PCNT: variants seen among roughly 807,000 people sequenced by gnomAD.
PCNT encodes the protein pericentrin.
PCNT carries 319 observed loss-of-function variants against 380.4 expected under a neutral mutation model. The observed-to-expected ratio is 0.84, with a 90% CI of 0.77 to 0.92. The LOEUF (loss-of-function observed/expected upper bound fraction) is 0.92. Among genes scored for constraint, PCNT ranks in the 40% least tolerant of loss-of-function variants. The pLI is 0.00. For missense variants in PCNT, 4,400 were observed against 4,255.3 expected, an observed-to-expected ratio of 1.03 and a Z score of -0.95; for synonymous variants, 1,845 against 1,735.2, an observed-to-expected ratio of 1.06 and a Z score of -1.57.
In PCNT at chr21:46,371,454, A is replaced by T. The variant is rs535518591; in HGVS notation, c.3165+4315A>T. The stretch of plus-strand genomic sequence containing the variant: ...CCTCCCGCCTTGGCCTCCCCAAAGC[A>T]CTGGGATTACAGGTGTGAGCCTCTG... On this transcript the variant is annotated intron_variant, in intron 15 of 46. Coordinates refer to ENST00000359568, the MANE Select transcript of PCNT (RefSeq NM_006031.6). Among the ~76,000 whole-genome samples, 4 of 152,214 alleles carry T rather than the reference A, an allele frequency of 2.6e-5. No homozygotes were observed. In the East Asian group the frequency reaches 7.7e-4, roughly 29 times the overall value.
In PCNT at chr21:46,401,700, A is replaced by G. The variant is rs373268532; in HGVS notation, c.4941A>G (p.Ala1647=). ...TACAGTTAGAGGTGACACAGAGAGC[A>G]CTCCTGCGGCGCGAGAGCGAGGTGA... is the stretch of plus-strand genomic sequence containing the variant. ...PEIQLEVTQR[A]LLRRESEVLD... The change falls in exon 26 of 47, where the codon GCA becomes GCG. Residue 1647 remains alanine (A), a synonymous_variant. Transcript: ENST00000359568. 1.6e-5 allele frequency: 26 copies of G among 1,613,612 alleles called. No homozygotes were observed. Among genetic ancestry groups the G allele is most frequent in the African/African-American group, 2.7e-5 (2 of 74,756 alleles).
At chr21:46,333,638 C>A (rs1601755842) in intron 2 of PCNT, among the ~76,000 whole-genome samples, 1 of 151,558 alleles carries the variant, frequency 6.6e-6, no homozygotes, top group South Asian at 2.1e-4. Flanking sequence ...CGGTTACTCA[C>A]ACCTGTAATC....
intron 1 of PCNT, among the ~76,000 whole-genome samples, chr21:46,324,650 C>A (rs1050548932): frequency 6.6e-6 from 1 of 151,472 alleles, no homozygotes; most frequent in Admixed American, 6.6e-5. Context: ...GGCGTGGCTG[C>A]ACGGAGGGGG....
rs559637008 is a variant in PCNT, at chr21:46,431,899, A to G, written c.8435A>G (p.Gln2812Arg). ...VDLQAMLEKV[Q>R]QQALHSQQQL... ...TTGCAAGCGATGCTTGAAAAGGTGC[A>G]GCAGCAAGCCCTGCATTCTCAGCAG... The change falls in exon 38 of 47, where the codon CAG (glutamine) becomes CGG (arginine). Residue 2812 changes from glutamine to arginine, a missense_variant. Transcript: ENST00000359568. The G allele has an allele frequency of 6.8e-6, 11 of 1,614,120 alleles. No homozygotes were observed. The African/African-American group carries it at 1.3e-4, about 20-fold the overall frequency.
At chr21:46,396,402 A>G (rs2086212030) in intron 21 of PCNT, among the ~76,000 whole-genome samples, 1 of 152,188 alleles carries the variant, frequency 6.6e-6, no homozygotes, top group Non-Finnish European at 1.5e-5. Flanking sequence ...GGGCTGGATC[A>G]TCCTGGGGCA....
chr21:46,346,885 G>A lies in PCNT; in HGVS notation c.863G>A (p.Arg288His), dbSNP rs542099749. 78 of 1,607,070 alleles carry A rather than the reference G, an allele frequency of 4.9e-5. No homozygotes were observed. The highest frequency in any genetic ancestry group is 2.4e-4 in the African/African-American group (18 of 74,986). The change falls in exon 5 of 47, where the codon CGT becomes CAT. Residue 288 changes from arginine to histidine, a missense_variant. Arg to His is a conservative substitution (Grantham distance 29, BLOSUM62 0). Coordinates refer to ENST00000359568, the MANE Select transcript of PCNT (RefSeq NM_006031.6). ...TELREMLNSR[R>H]AQELALLQSR... ...CTGCGGGAGATGCTCAACAGCCGGC[G>A]TGCCCAGGAGCTGGCCCTGCTACAG... is the stretch of plus-strand genomic sequence containing the variant.
intron 15 of PCNT, among the ~76,000 whole-genome samples, chr21:46,376,753 G>A (rs2085343809): frequency 6.6e-6 from 1 of 152,222 alleles, no homozygotes. Context: ...TCCCCCAGGA[G>A]ACGCACTGCT....
chr21:46,428,430 C>G lies in PCNT; in HGVS notation c.7530C>G (p.Arg2510=), dbSNP rs1342939757. The G allele has an allele frequency of 1.2e-6, 2 of 1,612,594 alleles. No homozygotes were observed. The highest frequency in any genetic ancestry group is 8.5e-7 in the Non-Finnish European group (1 of 1,179,900). ...AGGAAAAGTCCCTGGAGCATCTTCG[C>G]TTGCCGGACCGGAGCAGCCTGCTGT... ...DLQEKSLEHL[R]LPDRSSLLSE... is the part of the protein sequence containing the mutation. The change falls in exon 35 of 47, where the codon CGC becomes CGG. Residue 2510 remains arginine, a synonymous_variant. Transcript: ENST00000359568.
intron 2 of PCNT, among the ~76,000 whole-genome samples, chr21:46,330,313 T>G (rs1337741267): frequency 6.6e-6 from 1 of 152,152 alleles, no homozygotes; most frequent in Admixed American, 6.6e-5. Flanking sequence ...GAGACAGTGT[T>G]ACACTGTGTT....
At position 46,357,162 on chromosome 21, in the gene PCNT, G is replaced by A. The variant is rs763573444; in HGVS notation, c.2125G>A (p.Glu709Lys). The A allele has an allele frequency of 6.2e-7, 1 of 1,613,684 alleles. No homozygotes were observed. Among genetic ancestry groups the A allele is most frequent in the Admixed American group, 1.7e-5 (1 of 60,032 alleles). The change falls in exon 13 of 47, where the codon GAA becomes AAA. Residue 709 changes from glutamate (E) to lysine (K), a missense_variant. By Grantham distance (56) the Glu-to-Lys change is moderately conservative. Coordinates refer to ENST00000359568, the MANE Select transcript of PCNT (RefSeq NM_006031.6). ...AAATTTGTATGGGAAGTTGCAGCAT[G>A]AAACTCGTCTGAAGGACGATTTGGA... Reference protein sequence around the residue: ...NRNLYGKLQHETRLKDDLEKV... With the variant: ...NRNLYGKLQHKTRLKDDLEKV...
At chr21:46,429,072 G>A (rs2087631137) in intron 35 of PCNT, among the ~76,000 whole-genome samples, 1 of 152,200 alleles carries the variant, frequency 6.6e-6, no homozygotes, top group African/African-American at 2.4e-5. Context: ...TCGTACCATC[G>A]CATGTGGGGT....
intron 16 of PCNT, among the ~76,000 whole-genome samples, chr21:46,383,500 C>T (rs1176533295): frequency 2.1e-5 from 3 of 141,480 alleles, no homozygotes; most frequent in Middle Eastern, 4.0e-3. Flanking sequence ...GTGGCGGAAG[C>T]GCATTCACCA....
chr21:46,353,068 AT>A (rs770051126), intron 9 of PCNT, 35 bp from the exon 10 acceptor site: 107 of 1,576,064 alleles, frequency 6.8e-5, no homozygotes, highest in Non-Finnish European at 9.1e-5. Context: ...TGGGTGTCCC[AT>A]TTTAAGACGA....
chr21:46,360,373 G>T (rs1042134267), intron 13 of PCNT, among the ~76,000 whole-genome samples: 1 of 128,236 alleles, frequency 7.8e-6, no homozygotes, highest in Admixed American at 8.1e-5. Context: ...ACAGGCGCCC[G>T]CCACCACGCC....
Position 46,366,770 on chromosome 21 carries a change from C to T in PCNT, c.2796C>T (p.Ala932=). 3 of 1,613,646 alleles carry T rather than the reference C, an allele frequency of 1.9e-6. No homozygotes were observed. Among genetic ancestry groups the T allele is most frequent in the Non-Finnish European group, 1.7e-6 (2 of 1,180,048 alleles). Reference sequence around the variant, plus strand: ...AGGCCGCGTTGGGCGAGCTGACAGCCTCCTTAGAGAGCAAGCAGGGGGCTC... The same window carrying T: ...AGGCCGCGTTGGGCGAGCTGACAGCTTCCTTAGAGAGCAAGCAGGGGGCTC... ...RHQAALGELT[A]SLESKQGALL... Residue 932 remains alanine (A), a synonymous_variant, in exon 15 of 47, where the codon GCC becomes GCT. Coordinates refer to ENST00000359568, the MANE Select transcript of PCNT (RefSeq NM_006031.6).
At chr21:46,336,981 G>T (rs1569166133) in intron 3 of PCNT, among the ~76,000 whole-genome samples, 2 of 98,876 alleles carry the variant, frequency 2.0e-5, no homozygotes, top group African/African-American at 2.9e-5. Context: ...TTAGAAGGTT[G>T]TTTTTTTTGT....
intron 2 of PCNT, 114 bp downstream of exon 2, chr21:46,326,703 G>A (rs1407761410): frequency 8.6e-7 from 1 of 1,157,118 alleles, no homozygotes; most frequent in Non-Finnish European, 1.3e-6. Context: ...TGAGGAAAGA[G>A]GGTGTTATTT....
chr21:46,391,250 G>C lies in PCNT; in HGVS notation c.4090G>C (p.Glu1364Gln), dbSNP rs759613089. ...GGATTCCGAGCACCGTCTGGTGCTG[G>C]AGCTGGAGAGCCTGAGACGGCAGCT... ...KEDSEHRLVL[E>Q]LESLRRQLQQ... The change falls in exon 21 of 47, where the codon GAG (glutamate) becomes CAG (glutamine). Residue 1364 changes from glutamate to glutamine, a missense_variant. Transcript: ENST00000359568. The C allele has an allele frequency of 6.1e-5, 98 of 1,603,810 alleles. No homozygotes were observed. Among genetic ancestry groups the C allele is most frequent in the Non-Finnish European group, 1.7e-6 (2 of 1,175,702 alleles).
In PCNT at chr21:46,416,622, C is replaced by T; in HGVS notation, c.6704C>T (p.Thr2235Ile). 6.3e-7 allele frequency: 1 copy of T among 1,579,052 alleles called. No individual in the cohort carries two copies. Among genetic ancestry groups the T allele is most frequent in the East Asian group, 2.2e-5 (1 of 44,650 alleles). ...CCTGAGGTCCTCAGGAAGGACTGGA[C>T]CCTGGAGCCCTGGCCCAGCCTCCCC... Reference protein sequence around the residue: ...SSPEVLRKDWTLEPWPSLPVT... With the variant: ...SSPEVLRKDWILEPWPSLPVT... Residue 2235 changes from threonine (T) to isoleucine (I), a missense_variant, in exon 30 of 47, where the codon ACC becomes ATC. By Grantham distance (89) the Thr-to-Ile change is moderately conservative (BLOSUM62 -1). Transcript: ENST00000359568.
Sources: gnomAD v4.1 joint callset for allele counts (sites outside exome capture counted in the v4.1 genomes callset) on GRCh38, gnomAD v4.1.1 for gene constraint, MANE v1.5 for transcripts, NCBI Gene and HGNC (gene_info 2026-07-23, HGNC 2026-07-21) for gene names.